Variants in ACTR3C observed in about 807,000 individuals in gnomAD.
ACTR3C encodes actin-related protein 3C.
A neutral mutation model predicts 26.3 loss-of-function variants in ACTR3C; 18 were observed. The observed-to-expected ratio is 0.68, with a 90% CI of 0.47 to 1.01. The LOEUF is 1.01. ACTR3C is among the 50% of genes least tolerant of loss of function. The pLI is 0.00. For missense variants in ACTR3C, 184 were observed against 250.7 expected, an observed-to-expected ratio of 0.73 and a Z score of 1.80; for synonymous variants, 55 against 94.5, an observed-to-expected ratio of 0.58 and a Z score of 2.42.
At chr7:150,093,395 A>G in the ACTR3C span, among the ~76,000 whole-genome samples, 1 of 151,312 alleles carries the variant, frequency 6.6e-6, no homozygotes, top group Admixed American at 6.6e-5. Context: ...AACAATGTCT[A>G]TACTCACAGA....
chr7:150,249,452 A>G (rs1832678388), intron 6 of ACTR3C, among the ~76,000 whole-genome samples: 1 of 151,948 alleles, frequency 6.6e-6, no homozygotes, highest in South Asian at 2.1e-4. Flanking sequence ...TTTTTTATTT[A>G]TTTTATTATT....
At chr7:150,053,293 G>A in the ACTR3C span, among the ~76,000 whole-genome samples, 1 of 151,684 alleles carries the variant, frequency 6.6e-6, no homozygotes, top group African/African-American at 2.4e-5. Flanking sequence ...CTGCTCCAAA[G>A]TGCCCCTAGA....
chr7:150,091,793 T>C, the ACTR3C span, among the ~76,000 whole-genome samples: 1 of 148,156 alleles, frequency 6.7e-6, no homozygotes, highest in South Asian at 2.1e-4. Flanking sequence ...CCATCCTGGC[T>C]AACACGGTGA....
At chr7:150,242,780 G>A (rs1832259934), downstream of ACTR3C, among the ~76,000 whole-genome samples, 1 of 152,140 alleles carries the variant, frequency 6.6e-6, no homozygotes, top group Admixed American at 6.5e-5. Context: ...AGTATCAGCA[G>A]TGGTGGTGGT....
At chr7:150,295,579 A>G (rs1468294396) in intron 1 of ACTR3C, among the ~76,000 whole-genome samples, 1 of 152,218 alleles carries the variant, frequency 6.6e-6, no homozygotes, top group Non-Finnish European at 1.5e-5. Flanking sequence ...TACCCACCCA[A>G]ATTAGAACAA....
chr7:150,284,994 C>T lies in ACTR3C; in HGVS notation c.472-149G>A, dbSNP rs553960164. On this transcript the variant is annotated intron_variant, in intron 5 of 7. Transcript: ENST00000683684. ...GAATGAAGGATATGTCAAATGAATC[C>T]CATGTGACTACGTGTGCGTGGGGTG... 339 of 848,730 alleles carry T rather than the reference C, an allele frequency of 4.0e-4. 1 individual carries two copies. Among genetic ancestry groups the T allele is most frequent in the South Asian group, 3.1e-3 (144 of 47,034 alleles). 52.6% of individuals were successfully genotyped at this position (848,730 alleles called of 1,614,324 possible).
At chr7:150,185,270 G>A in the ACTR3C span, among the ~76,000 whole-genome samples, 2 of 139,258 alleles carry the variant, frequency 1.4e-5, no homozygotes, top group Non-Finnish European at 3.0e-5. Context: ...AATATTAAAT[G>A]TCAGGCGTGT....
chr7:150,300,988 C>A (rs1407977978), intron 1 of ACTR3C, among the ~76,000 whole-genome samples: 1 of 152,112 alleles, frequency 6.6e-6, no homozygotes, highest in Non-Finnish European at 1.5e-5. Flanking sequence ...TACCTCCTAT[C>A]GATCTGAAAA....
At chr7:150,144,555 G>A in the ACTR3C span, among the ~76,000 whole-genome samples, 9 of 152,028 alleles carry the variant, frequency 5.9e-5, no homozygotes, top group South Asian at 2.1e-4. The surrounding 1 kb of genome is among the most constrained non-coding windows in gnomAD (Gnocchi z 4.6). Context: ...CACCACAGCC[G>A]GTAGTTTAAT....
chr7:149,898,999 C>G, the ACTR3C span, among the ~76,000 whole-genome samples: 7 of 152,094 alleles, frequency 4.6e-5, no homozygotes, highest in South Asian at 1.5e-3. Context: ...CCCGGCCCAG[C>G]AGTAACATGG....
the ACTR3C span, among the ~76,000 whole-genome samples, chr7:150,230,498 T>C: frequency 6.6e-6 from 1 of 152,030 alleles, no homozygotes; most frequent in African/African-American, 2.4e-5. Flanking sequence ...GAGTAGTGGG[T>C]GAGTGAGCAT....
Position 150,274,165 on chromosome 7 carries a change from C to T in ACTR3C, c.564+10588G>A, listed in dbSNP as rs1337491498. ...GGCAAAATGACGTGGGAAAAAGCGCCGAGGTGCAGTCTAGAGCAGGGTGGT... is the reference window on the plus strand; with the variant it reads ...GGCAAAATGACGTGGGAAAAAGCGCTGAGGTGCAGTCTAGAGCAGGGTGGT... On this transcript the variant is annotated intron_variant, in intron 6 of 7. Transcript: ENST00000683684. This position sits in a 1 kb window ranked among gnomAD's most constrained non-coding sequence, Gnocchi z 4.1. Among the ~76,000 whole-genome samples the T allele has an allele frequency of 2.6e-5, 4 of 151,982 alleles. No homozygotes were observed. In the East Asian group the frequency reaches 5.8e-4, roughly 22 times the overall value.
the ACTR3C span, chr7:149,892,286 T>G: frequency 6.4e-7 from 1 of 1,563,472 alleles, no homozygotes; most frequent in Admixed American, 1.8e-5. Flanking sequence ...TTGTAGCATA[T>G]GTAGGTTTAT....
the ACTR3C span, among the ~76,000 whole-genome samples, chr7:150,019,384 G>A: frequency 2.7e-5 from 4 of 149,682 alleles, no homozygotes; most frequent in Non-Finnish European, 5.9e-5. Flanking sequence ...ATGAGGTCAA[G>A]AGATCGAGAC....
chr7:149,953,004 T>C, the ACTR3C span, among the ~76,000 whole-genome samples: 1 of 152,070 alleles, frequency 6.6e-6, no homozygotes, highest in Non-Finnish European at 1.5e-5. Flanking sequence ...TACAAAGATA[T>C]ATGTACGAAA....
At chr7:149,919,192 T>C in the ACTR3C span, among the ~76,000 whole-genome samples, 1 of 151,978 alleles carries the variant, frequency 6.6e-6, no homozygotes, top group Non-Finnish European at 1.5e-5. Flanking sequence ...AATCAAATAA[T>C]ACTCACGCTT....
the ACTR3C span, among the ~76,000 whole-genome samples, chr7:150,041,698 C>G: frequency 2.8e-5 from 4 of 145,122 alleles, no homozygotes; most frequent in Non-Finnish European, 6.1e-5. Context: ...ACTCTCAGTC[C>G]CCACCCTCGC....
chr7:150,315,771 C>T (rs1796804333), intron 1 of ACTR3C, among the ~76,000 whole-genome samples: 1 of 151,980 alleles, frequency 6.6e-6, no homozygotes, highest in South Asian at 2.1e-4. Flanking sequence ...TATATTCATA[C>T]ATGTGTGTAT....
chr7:149,907,160 C>T, the ACTR3C span, among the ~76,000 whole-genome samples: 4 of 61,420 alleles, frequency 6.5e-5, no homozygotes, highest in Non-Finnish European at 1.3e-4. Flanking sequence ...CTTAAGAGGA[C>T]ACTTGCAAGT....
Sources: gnomAD v4.1 joint callset for allele counts (sites outside exome capture counted in the v4.1 genomes callset) on GRCh38, gnomAD v4.1.1 for gene constraint, Gnocchi (gnomAD v3.1) non-coding constraint, MANE v1.5 for transcripts, NCBI Gene and HGNC (gene_info 2026-07-23, HGNC 2026-07-21) for gene names.